The following FILIP1L variants were observed in gnomAD, a reference collection of about 807,000 sequenced individuals.
FILIP1L encodes the protein filamin A-interacting protein 1-like.
FILIP1L carries 55 observed loss-of-function variants against 96.6 expected under a neutral mutation model. The observed-to-expected ratio is 0.57, with a 90% CI of 0.46 to 0.71. FILIP1L has a LOEUF of 0.71. Ranked by LOEUF, FILIP1L falls within the 30% of genes least tolerant of loss-of-function variation. The pLI is 0.00. For synonymous variants in FILIP1L, 467 were observed against 473.9 expected (o/e 0.99, Z 0.19); for missense variants, 1,304 against 1,321.2 (o/e 0.99, Z 0.20).
At chr3:99,956,891 C>T (rs1708335884) in intron 1 of FILIP1L, among the ~76,000 whole-genome samples, 1 of 152,188 alleles carries the variant, frequency 6.6e-6, no homozygotes, top group Non-Finnish European at 1.5e-5. Context: ...CCACCCCCGA[C>T]TTACAGTCCA....
chr3:99,925,965 T>A (rs1707281184), intron 3 of FILIP1L: 5 of 757,764 alleles, frequency 6.6e-6, no homozygotes, highest in Non-Finnish European at 8.0e-6. Flanking sequence ...TTGCTAGTGA[T>A]AAATTAATAT....
At chr3:100,060,917 C>G (rs2065553612) in intron 1 of FILIP1L, among the ~76,000 whole-genome samples, 1 of 152,256 alleles carries the variant, frequency 6.6e-6, no homozygotes, top group South Asian at 2.1e-4. Context: ...ACAGATCTAT[C>G]AATGGCCTGC....
At position 99,920,839 on chromosome 3, in the gene FILIP1L, A is replaced by C. The variant is rs182349622; in HGVS notation, c.605+3391T>G. Among the ~76,000 whole-genome samples the C allele has an allele frequency of 4.6e-5, 7 of 152,350 alleles. No homozygotes were observed. In the East Asian group the frequency reaches 1.3e-3, roughly 29 times the overall value. On this transcript the variant is annotated intron_variant, in intron 4 of 5. Coordinates refer to ENST00000477258, the MANE Select transcript of FILIP1L (RefSeq NM_001387850.1). ...GCCTTAATTTGAAATCCATTATTAC[A>C]TCCTCTGAGGTCTCATTAACTACCT... is the stretch of plus-strand genomic sequence containing the variant.
At chr3:99,895,792 A>G (rs1372382453) in intron 4 of FILIP1L, among the ~76,000 whole-genome samples, 4 of 152,184 alleles carry the variant, frequency 2.6e-5, no homozygotes, top group African/African-American at 9.7e-5. Context: ...ACAATACCCT[A>G]GCAGCCTTCA....
intron 4 of FILIP1L, among the ~76,000 whole-genome samples, chr3:99,918,370 A>G (rs1707021288): frequency 2.0e-5 from 3 of 152,212 alleles, no homozygotes. Flanking sequence ...CCAGACTGCC[A>G]CTATCTCTAA....
chr3:99,946,124 C>T (rs984792278), intron 1 of FILIP1L, among the ~76,000 whole-genome samples: 1 of 152,220 alleles, frequency 6.6e-6, no homozygotes, highest in Non-Finnish European at 1.5e-5. Flanking sequence ...AAGCCCAGAA[C>T]TCCTGGGAGC....
chr3:100,005,502 A>G (rs1709962449), intron 1 of FILIP1L, among the ~76,000 whole-genome samples: 1 of 152,252 alleles, frequency 6.6e-6, no homozygotes, highest in Non-Finnish European at 1.5e-5. Context: ...GAGAATTCTT[A>G]TGAAGTCTAG....
rs115626590 is a variant in FILIP1L at position 100,034,383 on chromosome 3, G to A, written c.-11+79670C>T. ...ACAATGTGCAGGCTGCAGAATGTTA[G>A]CATTCTGATTATGGCCAGATGTAAT... On this transcript the variant is annotated intron_variant, in intron 1 of 5. Coordinates refer to ENST00000477258, the MANE Select transcript of FILIP1L (RefSeq NM_001387850.1). 5.7e-3 allele frequency among the ~76,000 whole-genome samples: 874 copies of A among 152,274 alleles called. 11 individuals are homozygous for A. Among genetic ancestry groups the A allele is most frequent in the African/African-American group, 0.016 (674 of 41,550 alleles).
chr3:99,935,684 C>T (rs755714025), intron 1 of FILIP1L, among the ~76,000 whole-genome samples: 1 of 152,160 alleles, frequency 6.6e-6, no homozygotes, highest in African/African-American at 2.4e-5. Flanking sequence ...TTTGAAGTCC[C>T]GGGATTTCCC....
At chr3:99,956,837 C>T (rs1469773026) in intron 1 of FILIP1L, among the ~76,000 whole-genome samples, 1 of 152,168 alleles carries the variant, frequency 6.6e-6, no homozygotes, top group Non-Finnish European at 1.5e-5. Flanking sequence ...GTTTCTCTTC[C>T]ATCTTCACAT....
chr3:99,920,755 C>T (rs1707100303), intron 4 of FILIP1L, among the ~76,000 whole-genome samples: 1 of 152,166 alleles, frequency 6.6e-6, no homozygotes, highest in South Asian at 2.1e-4. Flanking sequence ...TGTGTGACAT[C>T]AGTCTCCTTT....
At chr3:99,898,974 A>G (rs1235630840) in intron 4 of FILIP1L, among the ~76,000 whole-genome samples, 1 of 152,116 alleles carries the variant, frequency 6.6e-6, no homozygotes, top group Non-Finnish European at 1.5e-5. Flanking sequence ...ATTAATACCA[A>G]TCAAATTTCT....
At chr3:100,054,539 T>TATGTTATGTTATGTTATGTC (rs1474837701) in intron 1 of FILIP1L, among the ~76,000 whole-genome samples, 2 of 125,782 alleles carry the variant, frequency 1.6e-5, no homozygotes, top group South Asian at 5.0e-4. Flanking sequence ...TATGTTATGT[T>TATGTTATGTTATGTTATGTC]ATGTCATGTT....
At chr3:100,055,876 T>G (rs6788750) in intron 1 of FILIP1L, among the ~76,000 whole-genome samples, 61,802 of 151,992 alleles carry the variant, frequency 0.41, 12,855 homozygotes, top group Middle Eastern at 0.52. Context: ...AAGTTTTTCA[T>G]AACTACCTTC....
chr3:100,058,259 C>G (rs575064612), intron 1 of FILIP1L, among the ~76,000 whole-genome samples: 1 of 152,324 alleles, frequency 6.6e-6, no homozygotes, highest in East Asian at 1.9e-4. Flanking sequence ...GAATACTGTT[C>G]TATGTTCAAG....
chr3:100,097,833 A>G (rs1217878666), intron 1 of FILIP1L, among the ~76,000 whole-genome samples: 1 of 152,210 alleles, frequency 6.6e-6, no homozygotes, highest in East Asian at 1.9e-4. Context: ...ACTCAGCTGG[A>G]TACTTGCTAC....
chr3:100,100,805 T>C (rs113083298), intron 1 of FILIP1L, among the ~76,000 whole-genome samples: 47 of 152,302 alleles, frequency 3.1e-4, no homozygotes, highest in Middle Eastern at 3.4e-3. Flanking sequence ...CTGCATATTC[T>C]GGTGAAGTGC....
chr3:100,014,733 A>G (rs1396002409), intron 1 of FILIP1L, among the ~76,000 whole-genome samples: 2 of 147,658 alleles, frequency 1.4e-5, no homozygotes, highest in Non-Finnish European at 3.0e-5. Context: ...TGGATATTGG[A>G]TATTAACCCT....
chr3:99,916,343 C>T (rs1286279932), intron 4 of FILIP1L, among the ~76,000 whole-genome samples: 1 of 152,050 alleles, frequency 6.6e-6, no homozygotes, highest in African/African-American at 2.4e-5. Context: ...GGCTACATGA[C>T]TGGCTTTCTT....
Sources: gnomAD v4.1 joint callset for allele counts (sites outside exome capture counted in the v4.1 genomes callset) on GRCh38, gnomAD v4.1.1 for gene constraint, MANE v1.5 for transcripts, NCBI Gene and HGNC (gene_info 2026-07-23, HGNC 2026-07-21) for gene names.